LIN54: variants seen among roughly 807,000 people sequenced by gnomAD.
The protein encoded by LIN54 is protein lin-54 homolog.
Under a neutral mutation model 78.7 loss-of-function variants are expected in LIN54, and 9 were observed. The observed-to-expected ratio is 0.11, with a 90% confidence interval of 0.07 to 0.20. LIN54 has a LOEUF of 0.20. Ranked by LOEUF, LIN54 falls within the 10% of genes least tolerant of loss-of-function variation. The pLI is 1.00. For missense variants in LIN54, 573 were observed against 889.9 expected, an observed-to-expected ratio of 0.64 and a Z score of 4.53; for synonymous variants, 269 against 318.4, an observed-to-expected ratio of 0.84 and a Z score of 1.65.
intron 1 of LIN54, among the ~76,000 whole-genome samples, chr4:82,994,391 A>C (rs1220572934): frequency 6.7e-6 from 1 of 149,322 alleles, no homozygotes; most frequent in South Asian, 2.2e-4. Context: ...CTCCTTGTGC[A>C]TTTTAAAAGA....
intron 1 of LIN54, among the ~76,000 whole-genome samples, chr4:82,995,848 TA>T (rs1361656972): frequency 1.3e-5 from 2 of 151,132 alleles, no homozygotes; most frequent in Non-Finnish European, 3.0e-5. Flanking sequence ...TGGCCTATGC[TA>T]AAAGAAAGTT....
chr4:82,986,724 AAAG>A (rs1377327020), intron 1 of LIN54, among the ~76,000 whole-genome samples: 2 of 151,156 alleles, frequency 1.3e-5, no homozygotes, highest in East Asian at 3.9e-4. Flanking sequence ...AAAAAAAAAA[AAAG>A]ATACAACACC....
intron 4 of LIN54, among the ~76,000 whole-genome samples, chr4:82,968,655 G>C (rs1725412674): frequency 6.6e-6 from 1 of 152,134 alleles, no homozygotes; most frequent in African/African-American, 2.4e-5. Context: ...TAGAGATTCT[G>C]ATTTAAATGG....
intron 2 of LIN54, among the ~76,000 whole-genome samples, chr4:82,983,007 G>GTTTTTTT (rs66577460): frequency 1.7e-5 from 2 of 116,974 alleles, no homozygotes; most frequent in Non-Finnish European, 3.7e-5. Context: ...TGCATTTCTT[G>GTTTTTTT]TTTTTTTTTT....
At chr4:83,004,884 A>C (rs1193833280) in intron 1 of LIN54, among the ~76,000 whole-genome samples, 1 of 151,918 alleles carries the variant, frequency 6.6e-6, no homozygotes, top group East Asian at 1.9e-4. Flanking sequence ...TTTACATTAG[A>C]TTTATAAATT....
intron 4 of LIN54, among the ~76,000 whole-genome samples, chr4:82,956,988 T>C (rs964366345): frequency 6.6e-5 from 10 of 152,148 alleles, no homozygotes; most frequent in Admixed American, 5.9e-4. Context: ...AGATAAAAAT[T>C]TGGGTAACAC....
rs115586498 is a variant in LIN54 at position 82,931,852 on chromosome 4, A to G, written c.1846-707T>C. Among the ~76,000 whole-genome samples, 450 of 152,258 alleles carry G rather than the reference A, an allele frequency of 3.0e-3. 1 individual carries two copies. The highest frequency in any genetic ancestry group is 9.8e-3 in the African/African-American group (406 of 41,564). ...TTCTTACAACTCATGGAATCCCTCC[A>G]AAGTCATCTGGCATAGCTTGAATTC... On this transcript the variant is annotated intron_variant, in intron 11 of 12. Transcript: ENST00000340417.
intron 4 of LIN54, 99 bp downstream of exon 4, chr4:82,970,228 C>T (rs1725529498): frequency 1.8e-6 from 2 of 1,095,422 alleles, no homozygotes; most frequent in Non-Finnish European, 2.6e-6. Flanking sequence ...CTATTACTTG[C>T]TTGGGAATGT....
At chr4:82,952,711 A>G (rs1022934811) in intron 4 of LIN54, among the ~76,000 whole-genome samples, 1 of 152,226 alleles carries the variant, frequency 6.6e-6, no homozygotes, top group African/African-American at 2.4e-5. Context: ...AAACAACTCA[A>G]GTGTCCACAG....
intron 11 of LIN54, among the ~76,000 whole-genome samples, chr4:82,934,949 T>G (rs368650692): frequency 2.4e-4 from 36 of 152,152 alleles, no homozygotes; most frequent in African/African-American, 8.2e-4. Flanking sequence ...AGGGGAAGAT[T>G]TATATGGCAT....
chr4:83,003,414 C>T (rs1379506367), intron 1 of LIN54: 1 of 152,136 alleles, frequency 6.6e-6, no homozygotes, highest in African/African-American at 2.4e-5. Context: ...GACTATAAGC[C>T]ATGAGTTCTG....
chr4:82,998,669 T>G (rs1397399328), intron 1 of LIN54, among the ~76,000 whole-genome samples: 2 of 151,402 alleles, frequency 1.3e-5, no homozygotes, highest in Non-Finnish European at 3.0e-5. Context: ...AGAATCTGAG[T>G]GTTTAGTTGA....
In LIN54 at chr4:82,984,883, T is replaced by A; in HGVS notation, c.-32-7A>T. 2 of 1,531,506 alleles carry A rather than the reference T, an allele frequency of 1.3e-6. No homozygotes were observed. Among genetic ancestry groups the A allele is most frequent in the Admixed American group, 4.2e-5 (2 of 47,328 alleles). The allele number at this position is 1,531,506 out of a possible 1,614,324, so 94.9% of individuals were successfully genotyped here. ...CTAGAAAGTTGATCAGGCACTGTAA[T>A]AAAAGTTGAAAAATGAACAAGTTAC... On this transcript the variant is annotated splice_region_variant and splice_polypyrimidine_tract_variant and intron_variant, in intron 1 of 12. Coordinates refer to ENST00000340417, the MANE Select transcript of LIN54 (RefSeq NM_194282.4).
intron 1 of LIN54, among the ~76,000 whole-genome samples, chr4:83,003,714 C>T (rs922874854): frequency 3.3e-5 from 5 of 151,998 alleles, no homozygotes; most frequent in Admixed American, 2.0e-4. Flanking sequence ...TTTCTAGAGA[C>T]GGGGTCTCGC....
At chr4:82,968,255 G>A (rs551758039) in intron 4 of LIN54, among the ~76,000 whole-genome samples, 8 of 152,110 alleles carry the variant, frequency 5.3e-5, no homozygotes, top group Admixed American at 1.3e-4. Flanking sequence ...TGTTGGTCAG[G>A]CTGGTCTCAG....
intron 4 of LIN54, among the ~76,000 whole-genome samples, chr4:82,951,800 G>A (rs924694055): frequency 2.0e-5 from 3 of 151,536 alleles, no homozygotes; most frequent in African/African-American, 7.3e-5. Context: ...AGAATAGAGA[G>A]CCCTAAGGAA....
In LIN54 at chr4:82,927,726, G is replaced by A. The variant is rs1181126916; in HGVS notation, c.*376C>T. 1 of 175,800 alleles carries A rather than the reference G, an allele frequency of 5.7e-6. No homozygotes were observed. Among genetic ancestry groups the A allele is most frequent in the African/African-American group, 2.4e-5 (1 of 41,890 alleles). 10.9% of individuals were successfully genotyped at this position (175,800 alleles called of 1,614,324 possible). On this transcript the variant is annotated 3_prime_UTR_variant, in exon 13 of 13. Coordinates refer to ENST00000340417, the MANE Select transcript of LIN54 (RefSeq NM_194282.4). Reference sequence around the variant, plus strand: ...CTAGATCAAGTCCCAAAGAATGGGTGCTAACCACTGCTGCTTTGGCTTTTC... The same window carrying A: ...CTAGATCAAGTCCCAAAGAATGGGTACTAACCACTGCTGCTTTGGCTTTTC...
At chr4:83,009,543 C>T (rs1442646326) in intron 1 of LIN54, among the ~76,000 whole-genome samples, 1 of 152,216 alleles carries the variant, frequency 6.6e-6, no homozygotes, top group African/African-American at 2.4e-5. Context: ...AGGAGACAGA[C>T]TCCTTACGGA....
upstream of LIN54, among the ~76,000 whole-genome samples, chr4:83,011,528 T>C (rs994295945): frequency 2.6e-5 from 4 of 152,134 alleles, no homozygotes; most frequent in African/African-American, 7.2e-5. Context: ...TTCTAAAATA[T>C]TGAAAATATA....
Sources: allele counts gnomAD v4.1 joint callset (sites outside exome capture counted in the v4.1 genomes callset), GRCh38; gene constraint gnomAD v4.1.1; transcripts MANE v1.5; gene names NCBI Gene and HGNC (gene_info 2026-07-23, HGNC 2026-07-21).